Variants in VPS13B observed in about 807,000 individuals in gnomAD.
VPS13B encodes the protein vacuolar protein sorting 13 homolog B, also known as intermembrane lipid transfer protein VPS13B.
In VPS13B, 285 loss-of-function variants were observed where a neutral mutation model predicts 426.4. The observed-to-expected ratio is 0.67, with a 90% CI of 0.61 to 0.74. The LOEUF (loss-of-function observed/expected upper bound fraction) is 0.74, where lower values mean the gene tolerates loss of function less well. VPS13B is among the 30% of genes least tolerant of loss of function. VPS13B has a pLI of 0.00. For missense variants in VPS13B, 4,537 were observed against 4,782.6 expected, an observed-to-expected ratio of 0.95 and a Z score of 1.51; for synonymous variants, 1,676 against 1,676.4, an observed-to-expected ratio of 1.00 and a Z score of 0.01.
Position 99,868,325 on chromosome 8 carries a change from A to T in VPS13B, c.11252A>T (p.Asn3751Ile), listed in dbSNP as rs2130962939. 2 of 1,614,196 alleles carry T rather than the reference A, an allele frequency of 1.2e-6. No homozygotes were observed. Among genetic ancestry groups the T allele is most frequent in the Non-Finnish European group, 1.7e-6 (2 of 1,180,048 alleles). Residue 3751 changes from asparagine to isoleucine, a missense_variant, in exon 59 of 62, where the codon AAC becomes ATC. Asn to Ile is a moderately radical substitution (Grantham distance 149). This residue lies in a region of VPS13B where 4,311 missense variants were observed against 4,474.3 expected (regional missense o/e 0.96). Transcript: ENST00000357162. ...GGTATAGTTGATCAGCCGATGCAGA[A>T]CTTCCAGAAAACATCTGAGGCACAG... ...IAGIVDQPMQNFQKTSEAQAS... is the reference protein window; with the variant it reads ...IAGIVDQPMQIFQKTSEAQAS...
intron 11 of VPS13B, 54 bp from the exon 12 acceptor site, chr8:99,136,611 C>A (rs1443386010): frequency 2.5e-6 from 4 of 1,589,644 alleles, no homozygotes; most frequent in Non-Finnish European, 3.5e-6. Flanking sequence ...AAGCTTTAAA[C>A]TCAAAAGTTT....
intron 12 of VPS13B, 131 bp from the exon 13 acceptor site, chr8:99,142,843 G>A: frequency 1.2e-6 from 1 of 839,402 alleles, no homozygotes; most frequent in East Asian, 2.7e-5. Context: ...AGGGCTCTCT[G>A]TATGCAGCTG....
At chr8:99,527,264 C>T (rs940306992) in intron 30 of VPS13B, among the ~76,000 whole-genome samples, 1 of 152,002 alleles carries the variant, frequency 6.6e-6, no homozygotes, top group Non-Finnish European at 1.5e-5. Context: ...TAATAAAACA[C>T]TTCTGTTAAC....
At chr8:99,774,316 A>G (rs1312543561) in intron 40 of VPS13B, among the ~76,000 whole-genome samples, 2 of 152,180 alleles carry the variant, frequency 1.3e-5, no homozygotes, top group African/African-American at 2.4e-5. Flanking sequence ...TGCTACTAGC[A>G]CTAATGCTTA....
chr8:99,096,320 T>G lies in VPS13B; in HGVS notation c.300T>G (p.His100Gln). 1.2e-6 allele frequency: 2 copies of G among 1,614,060 alleles called. No homozygotes were observed. The highest frequency in any genetic ancestry group is 1.3e-5 in the African/African-American group (1 of 75,040). The change falls in exon 4 of 62, where the codon CAT becomes CAG. Residue 100 changes from histidine (H) to glutamine (Q), a missense_variant. His to Gln is a conservative substitution (Grantham distance 24). Around this residue, in one of 2 missense-constraint regions of VPS13B, gnomAD observed 226 missense variants for 308.3 expected, o/e 0.73. Coordinates refer to ENST00000357162, the MANE Select transcript of VPS13B (RefSeq NM_152564.5). ...LKLKDGIQDD[H>Q]ESCGSNSTNR... Reference sequence around the variant, plus strand: ...CTTTAAAATAAAAATAGGATGACCATGAAAGCTGTGGTTCTAATTCTACCA... The same window carrying G: ...CTTTAAAATAAAAATAGGATGACCAGGAAAGCTGTGGTTCTAATTCTACCA...
chr8:99,756,732 GAAGT>G (rs1810661077), intron 39 of VPS13B, among the ~76,000 whole-genome samples: 1 of 152,188 alleles, frequency 6.6e-6, no homozygotes, highest in East Asian at 1.9e-4. Flanking sequence ...CCTGCCAAAT[GAAGT>G]AACTATAAAT....
chr8:99,755,966 C>T (rs1288618157), intron 39 of VPS13B, among the ~76,000 whole-genome samples: 3 of 151,604 alleles, frequency 2.0e-5, no homozygotes, highest in Middle Eastern at 3.2e-3. Context: ...GAAAGTACAG[C>T]CTGTATATGT....
intron 39 of VPS13B, among the ~76,000 whole-genome samples, chr8:99,740,439 C>T (rs915378789): frequency 2.6e-5 from 4 of 152,144 alleles, no homozygotes; most frequent in Admixed American, 6.5e-5. Context: ...TCTAGCAAGG[C>T]AGGCCAACAT....
At chr8:99,478,221 C>T (rs1819800672) in intron 24 of VPS13B, among the ~76,000 whole-genome samples, 1 of 151,234 alleles carries the variant, frequency 6.6e-6, no homozygotes, top group African/African-American at 2.4e-5. Flanking sequence ...ACTTTCTTAG[C>T]ATTTTGGGGT....
At chr8:99,548,023 A>G (rs771837447) in intron 30 of VPS13B, among the ~76,000 whole-genome samples, 17 of 152,244 alleles carry the variant, frequency 1.1e-4, no homozygotes, top group Non-Finnish European at 2.2e-4. Context: ...AAACAACAAT[A>G]TAACGCTTTT....
chr8:99,817,409 G>A, intron 44 of VPS13B, 131 bp from the exon 45 acceptor site: 2 of 1,230,436 alleles, frequency 1.6e-6, no homozygotes, highest in South Asian at 2.9e-5. Context: ...TTTCCTTCTT[G>A]TACTGTTTAA....
intron 21 of VPS13B, among the ~76,000 whole-genome samples, chr8:99,421,495 T>G (rs887340711): frequency 2.0e-5 from 3 of 152,168 alleles, no homozygotes; most frequent in African/African-American, 7.2e-5. Flanking sequence ...CAGCATAACA[T>G]AGTGGTTACA....
At chr8:99,151,067 T>C (rs1563569911) in intron 14 of VPS13B, among the ~76,000 whole-genome samples, 1 of 152,188 alleles carries the variant, frequency 6.6e-6, no homozygotes, top group Non-Finnish European at 1.5e-5. Flanking sequence ...GCTTCGGTTC[T>C]TTGCCATTCT....
intron 19 of VPS13B, among the ~76,000 whole-genome samples, chr8:99,309,331 T>A (rs1332102750): frequency 6.6e-6 from 1 of 152,228 alleles, no homozygotes; most frequent in African/African-American, 2.4e-5. Context: ...CATGTAAGTC[T>A]TTAATCCATC....
At chr8:99,635,058 A>C (rs1829015770) in intron 33 of VPS13B, among the ~76,000 whole-genome samples, 1 of 151,922 alleles carries the variant, frequency 6.6e-6, no homozygotes, top group Non-Finnish European at 1.5e-5. Flanking sequence ...ACCTCATCCC[A>C]CAAACTTCTA....
intron 19 of VPS13B, among the ~76,000 whole-genome samples, chr8:99,332,978 A>G (rs942360764): frequency 6.6e-6 from 1 of 151,684 alleles, no homozygotes; most frequent in Admixed American, 6.6e-5. Context: ...AAGAGCTTAG[A>G]CTTCAGACAG....
chr8:99,742,811 T>A (rs138784868), intron 39 of VPS13B, among the ~76,000 whole-genome samples: 2,965 of 152,280 alleles, frequency 0.019, 103 homozygotes, highest in African/African-American at 0.068. Flanking sequence ...AATTAGGTAT[T>A]GATGGGACGT....
intron 17 of VPS13B, among the ~76,000 whole-genome samples, chr8:99,214,216 C>T (rs960519096): frequency 2.0e-5 from 3 of 152,132 alleles, no homozygotes; most frequent in Non-Finnish European, 4.4e-5. Context: ...CACAATCATG[C>T]TCACTCCTTT....
At chr8:99,473,822 G>A (rs780528651) in intron 24 of VPS13B, among the ~76,000 whole-genome samples, 3 of 152,126 alleles carry the variant, frequency 2.0e-5, no homozygotes, top group African/African-American at 4.8e-5. Flanking sequence ...CAAAGTTAAT[G>A]TATTAAAACC....
Sources: gnomAD v4.1 joint callset for allele counts (sites outside exome capture counted in the v4.1 genomes callset) on GRCh38, gnomAD v4.1.1 for gene constraint, gnomAD v4.1.1 regional missense constraint, MANE v1.5 for transcripts, NCBI Gene and HGNC (gene_info 2026-07-23, HGNC 2026-07-21) for gene names.